Variants in DOCK1 observed in about 807,000 individuals in gnomAD.
DOCK1 encodes the protein dedicator of cytokinesis 1.
In DOCK1, 138 loss-of-function variants were observed where a neutral mutation model predicts 262.7. The ratio of observed to expected loss-of-function variants is 0.53; its 90% CI spans 0.46 to 0.61. DOCK1 has a LOEUF of 0.61. DOCK1 is among the 20% of genes least tolerant of loss of function. The probability of loss-of-function intolerance (pLI) is 0.00; values close to 1 mark genes in which losing one functional copy is unlikely to be tolerated. For synonymous variants in DOCK1, 866 were observed against 867.4 expected (o/e 1.00, Z 0.03); for missense variants, 1,908 against 2,370.7 (o/e 0.80, Z 4.05).
chr10:127,409,703 T>C (rs1324076383), intron 42 of DOCK1, among the ~76,000 whole-genome samples: 1 of 151,960 alleles, frequency 6.6e-6, no homozygotes, highest in Non-Finnish European at 1.5e-5. Flanking sequence ...TGGGGTACAA[T>C]CCCCTAGGGA....
chr10:127,161,965 C>G (rs2053627541), intron 27 of DOCK1, among the ~76,000 whole-genome samples: 1 of 152,202 alleles, frequency 6.6e-6, no homozygotes, highest in African/African-American at 2.4e-5. Flanking sequence ...AAGTAAAACT[C>G]TGGAAAACTG....
intron 29 of DOCK1, among the ~76,000 whole-genome samples, chr10:127,326,947 A>G (rs1349588668): frequency 6.6e-6 from 1 of 152,216 alleles, no homozygotes; most frequent in Non-Finnish European, 1.5e-5. Context: ...GAGCAGTAAT[A>G]TTTTTGAAAG....
At chr10:126,957,525 A>T (rs2036847701) in intron 1 of DOCK1, among the ~76,000 whole-genome samples, 1 of 152,066 alleles carries the variant, frequency 6.6e-6, no homozygotes, top group East Asian at 1.9e-4. Context: ...TCACTCTGTC[A>T]CCCAGGCTTG....
At chr10:127,197,874 A>T (rs902519459) in intron 27 of DOCK1, among the ~76,000 whole-genome samples, 1 of 152,176 alleles carries the variant, frequency 6.6e-6, no homozygotes, top group Non-Finnish European at 1.5e-5. Context: ...TGCTTTGGGC[A>T]GTGTGTCCAG....
At chr10:127,266,835 A>G (rs2060377920) in intron 29 of DOCK1, among the ~76,000 whole-genome samples, 1 of 152,212 alleles carries the variant, frequency 6.6e-6, no homozygotes, top group Non-Finnish European at 1.5e-5. Flanking sequence ...TTCCTCTCCA[A>G]GAAAACTGGC....
chr10:126,949,241 G>A (rs1288713571), intron 1 of DOCK1, among the ~76,000 whole-genome samples: 1 of 152,114 alleles, frequency 6.6e-6, no homozygotes, highest in African/African-American at 2.4e-5. Context: ...CCCAGCTCCT[G>A]CTCTCCTGCA....
At chr10:127,236,593 A>G (rs1295880993) in intron 27 of DOCK1, among the ~76,000 whole-genome samples, 1 of 138,254 alleles carries the variant, frequency 7.2e-6, no homozygotes, top group Non-Finnish European at 1.5e-5. Context: ...CCAGTACCAC[A>G]CTGTCTTGAT....
At chr10:127,383,742 T>C (rs2065948608) in intron 37 of DOCK1, among the ~76,000 whole-genome samples, 1 of 152,138 alleles carries the variant, frequency 6.6e-6, no homozygotes, top group Admixed American at 6.5e-5. Context: ...TGCAGCACCC[T>C]CCCTGGCCTG....
At chr10:127,288,796 CACACACACACAT>C (rs1416539265) in intron 29 of DOCK1, among the ~76,000 whole-genome samples, 6 of 150,498 alleles carry the variant, frequency 4.0e-5, no homozygotes, top group East Asian at 3.9e-4. Flanking sequence ...CACACACACA[CACACACACACAT>C]AAAATAGTTT....
At chr10:126,945,596 A>T (rs1410719433) in intron 1 of DOCK1, among the ~76,000 whole-genome samples, 2 of 152,192 alleles carry the variant, frequency 1.3e-5, no homozygotes, top group African/African-American at 4.8e-5. Flanking sequence ...GGTCCAGCCC[A>T]TACTCAACGG....
rs75817864 is a variant in DOCK1, at chr10:127,147,024, G to A, written c.2847+19260G>A. 6.9e-3 allele frequency among the ~76,000 whole-genome samples: 1,047 copies of A among 152,252 alleles called. 9 individuals carry two copies. Among genetic ancestry groups the A allele is most frequent in the Non-Finnish European group, 8.6e-3 (586 of 68,026 alleles). On this transcript the variant is annotated intron_variant, in intron 27 of 51. Coordinates refer to ENST00000623213, the MANE Select transcript of DOCK1 (RefSeq NM_001290223.2). ...AACTCTTTGCACCCTCTGTTTTGTG[G>A]TCTTATTGGTGTTGTAATACATTAC...
chr10:127,386,884 C>A (rs1012134779), intron 38 of DOCK1, among the ~76,000 whole-genome samples: 2 of 152,112 alleles, frequency 1.3e-5, no homozygotes, highest in African/African-American at 4.8e-5. Flanking sequence ...GAATGAGAAG[C>A]TTTGAGGATT....
intron 1 of DOCK1, among the ~76,000 whole-genome samples, chr10:126,960,504 G>A (rs2037110691): frequency 6.6e-6 from 1 of 151,050 alleles, no homozygotes; most frequent in South Asian, 2.2e-4. Flanking sequence ...GTGGGGGAGT[G>A]GCAGGGAAGG....
At chr10:127,028,147 G>A (rs2043004957) in intron 16 of DOCK1, among the ~76,000 whole-genome samples, 1 of 152,246 alleles carries the variant, frequency 6.6e-6, no homozygotes, top group South Asian at 2.1e-4. Flanking sequence ...TGCAGGCCAG[G>A]GGTTCAGTTA....
At chr10:127,025,525 C>T (rs1042688664) in intron 15 of DOCK1, among the ~76,000 whole-genome samples, 3 of 152,138 alleles carry the variant, frequency 2.0e-5, no homozygotes, top group Admixed American at 2.0e-4. Flanking sequence ...CGGCTCACTG[C>T]AACCTCCACT....
chr10:127,441,677 G>T (rs1033408330), intron 49 of DOCK1, among the ~76,000 whole-genome samples: 6 of 151,894 alleles, frequency 4.0e-5, no homozygotes, highest in African/African-American at 1.5e-4. Flanking sequence ...CATTCCCTGG[G>T]GACAACACCA....
chr10:127,140,058 G>A (rs1316098222), intron 27 of DOCK1, among the ~76,000 whole-genome samples: 1 of 152,102 alleles, frequency 6.6e-6, no homozygotes, highest in East Asian at 1.9e-4. Context: ...TGGTAATATT[G>A]AAGGTGTGTT....
intron 22 of DOCK1, among the ~76,000 whole-genome samples, chr10:127,054,339 C>T (rs9418818): frequency 0.11 from 16,145 of 152,222 alleles, 1,079 homozygotes; most frequent in Admixed American, 0.15. Context: ...TTCACTCTGG[C>T]GTGTCCATGG....
In DOCK1 at chr10:126,930,939, C is replaced by T. The variant is rs1038094838; in HGVS notation, c.46+25376C>T. On this transcript the variant is annotated intron_variant, in intron 1 of 51. Transcript: ENST00000623213. ...ACATGAAAGGGGAGCTGATAGAGGA[C>T]GGACTCCCTGTCTCTTCATCAGATC... Among the ~76,000 whole-genome samples, 610 of 152,202 alleles carry T rather than the reference C, an allele frequency of 4.0e-3. 3 individuals are homozygous for T. The highest frequency in any genetic ancestry group is 0.014 in the African/African-American group (575 of 41,530).
Sources: gnomAD v4.1 joint callset for allele counts (sites outside exome capture counted in the v4.1 genomes callset) on GRCh38, gnomAD v4.1.1 for gene constraint, MANE v1.5 for transcripts, NCBI Gene and HGNC (gene_info 2026-07-23, HGNC 2026-07-21) for gene names.